POU1F1: variants seen among roughly 807,000 people sequenced by gnomAD.
The protein encoded by POU1F1 is POU class 1 homeobox 1.
Under a neutral mutation model 32.3 loss-of-function variants are expected in POU1F1, and 23 were observed. That is an observed-to-expected ratio of 0.71 (90% CI 0.51 to 1.01). The LOEUF (loss-of-function observed/expected upper bound fraction) is 1.01. POU1F1 is among the 50% of genes least tolerant of loss of function. The probability of loss-of-function intolerance (pLI) is 0.00; values close to 1 mark genes in which losing one functional copy is unlikely to be tolerated. For synonymous variants in POU1F1, 120 were observed against 115.6 expected, an observed-to-expected ratio of 1.04 and a Z score of -0.25; for missense variants, 323 against 341.6, an observed-to-expected ratio of 0.95 and a Z score of 0.43.
chr3:87,263,866 T>C (rs1706559336), intron 3 of POU1F1, among the ~76,000 whole-genome samples: 1 of 151,924 alleles, frequency 6.6e-6, no homozygotes, highest in South Asian at 2.1e-4. Flanking sequence ...TATTTCCATA[T>C]ATATTTACTT....
At position 87,264,389 on chromosome 3, in the gene POU1F1, C is replaced by G; in HGVS notation, c.338G>C (p.Arg113Pro). Reference protein sequence around the residue: ...TAADFKQELRRKSKLVEEPID... With the variant: ...TAADFKQELRPKSKLVEEPID... ...TGGCTCTTCCACCAATTTACTTTTCCGCCTGAGTTCCTGCTTGAAATCAGC... is the reference window on the plus strand; with the variant it reads ...TGGCTCTTCCACCAATTTACTTTTCGGCCTGAGTTCCTGCTTGAAATCAGC... The change falls in exon 3 of 6, where the codon CGG becomes CCG. Residue 113 changes from arginine (R) to proline (P), a missense_variant. Physicochemically the swap from Arg to Pro is moderately radical, Grantham distance 103. Transcript: ENST00000350375. 1 of 1,613,788 alleles carries G rather than the reference C, an allele frequency of 6.2e-7. No individual in the cohort carries two copies. The highest frequency in any genetic ancestry group is 8.5e-7 in the Non-Finnish European group (1 of 1,179,828).
intron 3 of POU1F1, 146 bp downstream of exon 3, chr3:87,264,142 A>G (rs1258583654): frequency 1.2e-5 from 8 of 669,628 alleles, no homozygotes; most frequent in Non-Finnish European, 2.0e-5. Context: ...ATGTTTTTGG[A>G]GGATTTCCAT....
chr3:87,266,738 T>C (rs1045680711), intron 2 of POU1F1, among the ~76,000 whole-genome samples: 6 of 152,006 alleles, frequency 3.9e-5, no homozygotes, highest in Non-Finnish European at 5.9e-5. Context: ...GGTTTATTTT[T>C]AGCTTTTTAT....
chr3:87,265,407 C>T (rs373638787), intron 2 of POU1F1, among the ~76,000 whole-genome samples: 1 of 152,008 alleles, frequency 6.6e-6, no homozygotes, highest in Non-Finnish European at 1.5e-5. Flanking sequence ...ACAATTGCTT[C>T]CAGATTTCCT....
intron 2 of POU1F1, among the ~76,000 whole-genome samples, chr3:87,268,903 G>C (rs1000449076): frequency 1.4e-4 from 22 of 152,204 alleles, no homozygotes; most frequent in Non-Finnish European, 3.1e-4. Context: ...ATGGGGGTCA[G>C]AGATAGGGAT....
chr3:87,267,179 T>C (rs558648435), intron 2 of POU1F1, among the ~76,000 whole-genome samples: 3 of 152,310 alleles, frequency 2.0e-5, no homozygotes, highest in South Asian at 2.1e-4. Flanking sequence ...CATAATTATG[T>C]ACTGCTACAA....
chr3:87,259,452 T>G lies in POU1F1; in HGVS notation c.*442A>C. ...GTTCAAAACTTTTAGTTCAGACAAA[T>G]TAGTAGAGTTGGTAGAAAGCAGAAC... On this transcript the variant is annotated 3_prime_UTR_variant, in exon 6 of 6. Transcript: ENST00000350375. The G allele has an allele frequency of 6.1e-6, 1 of 164,668 alleles. No individual in the cohort carries two copies. 10.2% of individuals were successfully genotyped at this position (164,668 alleles called of 1,614,324 possible).
At chr3:87,276,274 G>C in intron 1 of POU1F1, 47 bp downstream of exon 1, 11 of 1,590,018 alleles carry the variant, frequency 6.9e-6, no homozygotes, top group Non-Finnish European at 9.5e-6. Context: ...CATTCATTCT[G>C]AAATATTTAG....
intron 2 of POU1F1, among the ~76,000 whole-genome samples, chr3:87,267,645 T>A (rs1706644848): frequency 6.6e-6 from 1 of 150,966 alleles, no homozygotes; most frequent in Admixed American, 6.7e-5. Context: ...TCACACTCTG[T>A]CTCCTAGACT....
chr3:87,275,676 T>A (rs1706812999), intron 1 of POU1F1, among the ~76,000 whole-genome samples: 1 of 152,146 alleles, frequency 6.6e-6, no homozygotes, highest in Non-Finnish European at 1.5e-5. Flanking sequence ...TAAAAAGTTA[T>A]GTGAGATAAA....
Position 87,273,408 on chromosome 3 carries a change from A to T in POU1F1, c.153T>A (p.Leu51=), listed in dbSNP as rs1706762902. Reference sequence around the variant, plus strand: ...AATGACAGGAAGGAACAGAATAATGAAGTCCTGTTGCTGTGTTTCCCAACG... The same window carrying T: ...AATGACAGGAAGGAACAGAATAATGTAGTCCTGTTGCTGTGTTTCCCAACG... The part of the protein sequence containing the change: ...ATNVMSTATG[L]HYSVPSCHYG... Residue 51 remains leucine, a synonymous_variant, in exon 2 of 6, where the codon CTT becomes CTA. Coordinates refer to ENST00000350375, the MANE Select transcript of POU1F1 (RefSeq NM_000306.4). 5.0e-6 allele frequency: 8 copies of T among 1,612,026 alleles called. No homozygotes were observed. The highest frequency in any genetic ancestry group is 1.3e-5 in the African/African-American group (1 of 74,822).
At chr3:87,260,590 A>C (rs1030432354) in intron 5 of POU1F1, among the ~76,000 whole-genome samples, 1 of 152,170 alleles carries the variant, frequency 6.6e-6, no homozygotes, top group Non-Finnish European at 1.5e-5. Context: ...GAAATGCAAG[A>C]GGTCATGTTG....
chr3:87,259,616 A>C lies in POU1F1; in HGVS notation c.*278T>G. On this transcript the variant is annotated 3_prime_UTR_variant, in exon 6 of 6. Transcript: ENST00000350375. ...ATACTCATATGTCTGCGTGTGTGTG[A>C]GAAAGAGAGCGGGAGAGACAGAGAG... 1 of 401,898 alleles carries C rather than the reference A, an allele frequency of 2.5e-6. No homozygotes were observed. The highest frequency in any genetic ancestry group is 4.5e-6 in the Non-Finnish European group (1 of 221,114). The allele number at this position is 401,898 out of a possible 1,614,324, so 24.9% of individuals were successfully genotyped here. A position where few individuals can be genotyped will look rare whatever the true frequency, so the allele number is the denominator to read the frequency against.
chr3:87,261,409 A>T (rs1706513156), intron 4 of POU1F1, 76 bp from the exon 5 acceptor site: 1 of 1,154,118 alleles, frequency 8.7e-7, no homozygotes, highest in Non-Finnish European at 1.2e-6. Context: ...TTGGATTTCA[A>T]ATTTTCTTCA....
chr3:87,264,206 T>C, intron 3 of POU1F1, 82 bp downstream of exon 3: 1 of 1,114,666 alleles, frequency 9.0e-7, no homozygotes, highest in Non-Finnish European at 1.4e-6. Context: ...TCTTGTACTT[T>C]TTAGCAATAT....
In POU1F1 at chr3:87,260,093, T is replaced by G; in HGVS notation, c.677A>C (p.Lys226Thr). The G allele has an allele frequency of 1.2e-6, 2 of 1,613,726 alleles. No individual in the cohort carries two copies. The highest frequency in any genetic ancestry group is 8.5e-7 in the Non-Finnish European group (1 of 1,179,822). Residue 226 changes from lysine (K) to threonine (T), a missense_variant, in exon 6 of 6, where the codon AAA (lysine) becomes ACA (threonine). Lys to Thr is a moderately conservative substitution (Grantham distance 78, BLOSUM62 -1). Transcript: ENST00000350375. Reference sequence around the variant, plus strand: ...TCCAAAGTGTCTCTCCAGAGCATCTTTAGCAGCAATGCTGGCGGGGGGTGG... The same window carrying G: ...TCCAAAGTGTCTCTCCAGAGCATCTGTAGCAGCAATGCTGGCGGGGGGTGG... ...KRRTTISIAAKDALERHFGEQ... is the reference protein window; with the variant it reads ...KRRTTISIAATDALERHFGEQ...
chr3:87,270,282 C>T (rs1037067488), intron 2 of POU1F1, among the ~76,000 whole-genome samples: 8 of 152,042 alleles, frequency 5.3e-5, no homozygotes, highest in Non-Finnish European at 8.8e-5. Context: ...CCCACCACAA[C>T]GTAGATATGA....
At chr3:87,261,468 G>T (rs542209531) in intron 4 of POU1F1, 135 bp from the exon 5 acceptor site, 3 of 704,084 alleles carry the variant, frequency 4.3e-6, no homozygotes, top group Non-Finnish European at 7.0e-6. Flanking sequence ...TTAAATTTTT[G>T]CAGTCTTTTT....
At chr3:87,276,030 G>A (rs1029879056) in intron 1 of POU1F1, among the ~76,000 whole-genome samples, 1 of 151,850 alleles carries the variant, frequency 6.6e-6, no homozygotes, top group Admixed American at 6.6e-5. Context: ...CATTAAAAAG[G>A]TTTTTAGATT....
Sources: allele counts gnomAD v4.1 joint callset (sites outside exome capture counted in the v4.1 genomes callset), GRCh38; gene constraint gnomAD v4.1.1; transcripts MANE v1.5; gene names NCBI Gene and HGNC (gene_info 2026-07-23, HGNC 2026-07-21).